The following AFG2A variants were observed in gnomAD, a reference collection of about 807,000 sequenced individuals.
AFG2A encodes the protein AAA ATPase AFG2A, also known as ATPase family gene 2 protein homolog A.
At chr4:123,072,438 A>G in the AFG2A span, among the ~76,000 whole-genome samples, 57 of 152,300 alleles carry the variant, frequency 3.7e-4, no homozygotes, top group Non-Finnish European at 7.2e-4. Context: ...ATAATTATAT[A>G]CTGAGCTTTA....
the AFG2A span, among the ~76,000 whole-genome samples, chr4:123,073,912 G>A: frequency 6.6e-6 from 1 of 152,054 alleles, no homozygotes; most frequent in East Asian, 1.9e-4. Context: ...TTTAATATTA[G>A]TCACTGATTG....
chr4:123,059,667 C>T, the AFG2A span, among the ~76,000 whole-genome samples: 62,180 of 149,998 alleles, frequency 0.41, 15,409 homozygotes, highest in Non-Finnish European at 0.55. Flanking sequence ...GAGTATATAC[C>T]CAGTAATGGG....
the AFG2A span, among the ~76,000 whole-genome samples, chr4:123,307,264 C>G: frequency 1.3e-5 from 2 of 152,108 alleles, no homozygotes; most frequent in Non-Finnish European, 2.9e-5. Flanking sequence ...ATCTCAGCCT[C>G]CTAAGTAGCA....
chr4:123,021,646 T>G, the AFG2A span, among the ~76,000 whole-genome samples: 1 of 152,244 alleles, frequency 6.6e-6, no homozygotes, highest in Non-Finnish European at 1.5e-5. Flanking sequence ...TGTTCCTCTT[T>G]GAGCATTTTC....
the AFG2A span, among the ~76,000 whole-genome samples, chr4:123,299,579 T>C: frequency 1.3e-5 from 2 of 152,218 alleles, no homozygotes; most frequent in Non-Finnish European, 2.9e-5. Context: ...AATCCCCTTG[T>C]GTCCAGTTGA....
At chr4:123,151,406 C>CT in the AFG2A span, among the ~76,000 whole-genome samples, 1 of 152,052 alleles carries the variant, frequency 6.6e-6, no homozygotes, top group African/African-American at 2.4e-5. Context: ...CTACAAAGAA[C>CT]TTAAACAAAT....
chr4:123,272,045 G>T, the AFG2A span, among the ~76,000 whole-genome samples: 2 of 152,090 alleles, frequency 1.3e-5, no homozygotes, highest in Non-Finnish European at 2.9e-5. Flanking sequence ...TTGAGGAAAA[G>T]ACACCAATGA....
chr4:123,179,498 C>G, the AFG2A span, among the ~76,000 whole-genome samples: 1 of 152,110 alleles, frequency 6.6e-6, no homozygotes, highest in Non-Finnish European at 1.5e-5. Context: ...CACGTGTGCA[C>G]AGTCACACCT....
At chr4:122,964,761 A>G in the AFG2A span, among the ~76,000 whole-genome samples, 3 of 152,190 alleles carry the variant, frequency 2.0e-5, no homozygotes, top group Non-Finnish European at 2.9e-5. Flanking sequence ...GGCTCCTTTG[A>G]TCAGTTTAAG....
the AFG2A span, among the ~76,000 whole-genome samples, chr4:123,105,661 G>A: frequency 1.3e-5 from 2 of 152,060 alleles, no homozygotes; most frequent in Admixed American, 6.6e-5. Context: ...CAGCCCTCAG[G>A]GATAATTTTG....
At chr4:123,241,964 A>G in the AFG2A span, among the ~76,000 whole-genome samples, 2 of 152,222 alleles carry the variant, frequency 1.3e-5, no homozygotes, top group African/African-American at 4.8e-5. Flanking sequence ...TGCAAAAATC[A>G]CAAGCATTCC....
At chr4:123,059,293 T>TCCCTCCC in the AFG2A span, among the ~76,000 whole-genome samples, 1 of 140,072 alleles carries the variant, frequency 7.1e-6, no homozygotes, top group South Asian at 2.5e-4. Flanking sequence ...CCTAAAGCCA[T>TCCCTCCC]CCCTCCCCCC....
the AFG2A span, among the ~76,000 whole-genome samples, chr4:123,274,181 G>C: frequency 0.77 from 116,872 of 151,980 alleles, 45,815 homozygotes; most frequent in Non-Finnish European, 0.85. Flanking sequence ...ATCTGAGAAC[G>C]ATTTTCATTT....
the AFG2A span, among the ~76,000 whole-genome samples, chr4:123,187,731 C>T: frequency 2.0e-5 from 3 of 151,990 alleles, no homozygotes; most frequent in African/African-American, 7.2e-5. Context: ...CACTGTGGCT[C>T]ACACCTGTAA....
chr4:123,031,415 A>G, the AFG2A span, among the ~76,000 whole-genome samples: 4 of 152,242 alleles, frequency 2.6e-5, no homozygotes, highest in Non-Finnish European at 4.4e-5. Flanking sequence ...ACCCTCCCAA[A>G]GTGCTAGGAT....
At chr4:123,283,358 A>AAAGAG in the AFG2A span, among the ~76,000 whole-genome samples, 7 of 149,108 alleles carry the variant, frequency 4.7e-5, no homozygotes, top group South Asian at 2.1e-4. Flanking sequence ...GGAAAAAAAA[A>AAAGAG]AGAGAGAGAG....
chr4:123,178,938 C>G, the AFG2A span, among the ~76,000 whole-genome samples: 4 of 152,134 alleles, frequency 2.6e-5, no homozygotes, highest in African/African-American at 4.8e-5. Flanking sequence ...CTCATTTACA[C>G]TAAAAAGGTT....
At chr4:123,182,537 T>C in the AFG2A span, among the ~76,000 whole-genome samples, 2 of 152,192 alleles carry the variant, frequency 1.3e-5, no homozygotes, top group South Asian at 2.1e-4. Flanking sequence ...GCCTAGGTAT[T>C]AGATGTTTCC....
chr4:123,194,594 G>T, the AFG2A span, among the ~76,000 whole-genome samples: 1 of 152,160 alleles, frequency 6.6e-6, no homozygotes, highest in Non-Finnish European at 1.5e-5. Flanking sequence ...GAAATGATAT[G>T]AAGTTATATG....
Sources: allele counts gnomAD v4.1 joint callset (sites outside exome capture counted in the v4.1 genomes callset), GRCh38; gene constraint gnomAD v4.1.1; transcripts MANE v1.5; gene names NCBI Gene and HGNC (gene_info 2026-07-23, HGNC 2026-07-21).